Variants in TBL1XR1 observed in about 807,000 individuals in gnomAD.
TBL1XR1 encodes F-box-like/WD repeat-containing protein TBL1XR1.
Under a neutral mutation model 66.9 loss-of-function variants are expected in TBL1XR1, and 5 were observed. That is an observed-to-expected ratio of 0.07 (90% CI 0.04 to 0.16). TBL1XR1 has a LOEUF of 0.16. Ranked by LOEUF, TBL1XR1 falls within the 10% of genes least tolerant of loss-of-function variation. The pLI, the probability that TBL1XR1 is intolerant of heterozygous loss-of-function variation, is 1.00. For synonymous variants in TBL1XR1, 210 were observed against 206.0 expected (o/e 1.02, Z -0.17); for missense variants, 238 against 623.2 (o/e 0.38, Z 6.58).
chr3:177,125,943 T>C (rs1273477736), intron 1 of TBL1XR1: 1 of 152,222 alleles, frequency 6.6e-6, no homozygotes, highest in Non-Finnish European at 1.5e-5. Flanking sequence ...TTTTTAATTT[T>C]TTGGAGTACA....
At chr3:177,136,033 G>C (rs1243078393) in intron 1 of TBL1XR1, among the ~76,000 whole-genome samples, 1 of 152,026 alleles carries the variant, frequency 6.6e-6, no homozygotes, top group African/African-American at 2.4e-5. Context: ...CAATAGATCA[G>C]TATCTAAAAT....
In TBL1XR1 at chr3:177,181,073, G is replaced by A. The variant is rs141774220; in HGVS notation, c.-122+16048C>T. ...CCTGGATATTTTCATCAGTGAGCTA[G>A]AAGTAGAGGATGTTGCCTCAGCTCA... On this transcript the variant is annotated intron_variant, in intron 1 of 15. Coordinates refer to ENST00000457928, the MANE Select transcript of TBL1XR1 (RefSeq NM_024665.7). 7.1e-3 allele frequency among the ~76,000 whole-genome samples: 1,078 copies of A among 152,176 alleles called. 18 individuals carry two copies. Among genetic ancestry groups the A allele is most frequent in the African/African-American group, 0.024 (1,016 of 41,518 alleles).
chr3:177,045,816 T>G (rs1716253979), intron 10 of TBL1XR1, among the ~76,000 whole-genome samples: 1 of 152,182 alleles, frequency 6.6e-6, no homozygotes, highest in Non-Finnish European at 1.5e-5. Context: ...GTCTTAATAA[T>G]GCTTCTTAAG....
At chr3:177,091,097 A>C (rs1722784883) in intron 2 of TBL1XR1, 1 of 152,160 alleles carries the variant, frequency 6.6e-6, no homozygotes, top group South Asian at 2.1e-4. Flanking sequence ...AGCTGACCCA[A>C]CTATATATCA....
chr3:177,153,832 G>A (rs983447449), intron 1 of TBL1XR1, among the ~76,000 whole-genome samples: 4 of 145,826 alleles, frequency 2.7e-5, no homozygotes, highest in Admixed American at 7.0e-5. Flanking sequence ...AGCCAAGATC[G>A]CGCCACTGCA....
chr3:177,075,830 A>C (rs1055248862), intron 2 of TBL1XR1, among the ~76,000 whole-genome samples: 2 of 152,096 alleles, frequency 1.3e-5, no homozygotes, highest in Admixed American at 6.6e-5. Context: ...GAACAACAGA[A>C]ATTTATTGTC....
intron 2 of TBL1XR1, among the ~76,000 whole-genome samples, chr3:177,089,380 C>G (rs1343115992): frequency 6.6e-6 from 1 of 152,160 alleles, no homozygotes; most frequent in Non-Finnish European, 1.5e-5. Context: ...CTGCCTAACT[C>G]CCAGACTAAG....
chr3:177,192,311 G>A (rs1316443426), intron 1 of TBL1XR1, among the ~76,000 whole-genome samples: 1 of 151,520 alleles, frequency 6.6e-6, no homozygotes, highest in Non-Finnish European at 1.5e-5. Context: ...GAACCCAGGA[G>A]GCGCGAGGTT....
intron 1 of TBL1XR1, among the ~76,000 whole-genome samples, chr3:177,183,978 C>G (rs1276647932): frequency 6.6e-6 from 1 of 150,928 alleles, no homozygotes; most frequent in Non-Finnish European, 1.5e-5. Context: ...ACCTAGTCTC[C>G]TGTTACTGCT....
At chr3:177,061,889 A>G (rs1718561467) in intron 3 of TBL1XR1, among the ~76,000 whole-genome samples, 1 of 152,218 alleles carries the variant, frequency 6.6e-6, no homozygotes, top group South Asian at 2.1e-4. Context: ...GCCACATTTA[A>G]GTATAATTGG....
At chr3:177,064,159 C>G (rs552368528) in intron 3 of TBL1XR1, among the ~76,000 whole-genome samples, 1 of 152,254 alleles carries the variant, frequency 6.6e-6, no homozygotes, top group South Asian at 2.1e-4. Flanking sequence ...ATTACAGTAA[C>G]TTTAAGGTAT....
intron 7 of TBL1XR1, 59 bp from the exon 8 acceptor site, chr3:177,047,608 T>TA (rs1396362017): frequency 1.3e-6 from 2 of 1,529,226 alleles, no homozygotes; most frequent in Admixed American, 1.8e-5. Context: ...TAATTGTTGT[T>TA]AAAGTATTTC....
chr3:177,138,800 T>C (rs1401843232), intron 1 of TBL1XR1, among the ~76,000 whole-genome samples: 1 of 151,892 alleles, frequency 6.6e-6, no homozygotes, highest in Non-Finnish European at 1.5e-5. Flanking sequence ...GAGTGAAATA[T>C]ACCAAAGCAC....
chr3:177,112,014 A>C (rs749734115), intron 1 of TBL1XR1, among the ~76,000 whole-genome samples: 5 of 146,960 alleles, frequency 3.4e-5, no homozygotes, highest in African/African-American at 5.0e-5. Context: ...CTAGGCCCTG[A>C]AACGAAGAAG....
At position 177,024,706 on chromosome 3, in the gene TBL1XR1, CA is replaced by C. The variant is rs1258577255; in HGVS notation, c.*791del. The C allele has an allele frequency of 2.4e-5, 1 of 40,818 alleles. No individual in the cohort carries two copies. Among genetic ancestry groups the C allele is most frequent in the Admixed American group, 2.6e-4 (1 of 3,870 alleles). The allele number at this position is 40,818 out of a possible 1,614,324, so 2.5% of individuals were successfully genotyped here. A position where few individuals can be genotyped will look rare whatever the true frequency, so the allele number is the denominator to read the frequency against. ...GCATTTAAGCCACATCACCAAAAAACAAAAAAGAAAAAAAAAAAAAAAAAGC... is the reference window on the plus strand; with the variant it reads ...GCATTTAAGCCACATCACCAAAAAACAAAAAGAAAAAAAAAAAAAAAAAGC... On this transcript the variant is annotated 3_prime_UTR_variant, in exon 16 of 16. Transcript: ENST00000457928.
intron 2 of TBL1XR1, among the ~76,000 whole-genome samples, chr3:177,083,042 A>G (rs940954829): frequency 6.6e-6 from 1 of 151,962 alleles, no homozygotes; most frequent in African/African-American, 2.4e-5. Flanking sequence ...AATAAATTCT[A>G]ATCAATCCAA....
At chr3:177,058,510 T>G (rs908534175) in intron 3 of TBL1XR1, among the ~76,000 whole-genome samples, 1 of 152,220 alleles carries the variant, frequency 6.6e-6, no homozygotes, top group Non-Finnish European at 1.5e-5. Flanking sequence ...AGTAAATTAT[T>G]CACGCCATAG....
intron 1 of TBL1XR1, among the ~76,000 whole-genome samples, chr3:177,101,639 C>T (rs1292274821): frequency 6.6e-6 from 1 of 152,170 alleles, no homozygotes; most frequent in African/African-American, 2.4e-5. Context: ...TAAGAAGGCC[C>T]TTCCCACAGG....
chr3:177,197,710 CG>C (rs1205159334), upstream of TBL1XR1, among the ~76,000 whole-genome samples: 1 of 22,418 alleles, frequency 4.5e-5, no homozygotes, highest in African/African-American at 1.7e-4. Context: ...GGCGGCGCGG[CG>C]GGGGGGCTCC....
Sources: allele counts gnomAD v4.1 joint callset (sites outside exome capture counted in the v4.1 genomes callset), GRCh38; gene constraint gnomAD v4.1.1; transcripts MANE v1.5; gene names NCBI Gene and HGNC (gene_info 2026-07-23, HGNC 2026-07-21).